The following ZNF138 variants were observed in gnomAD, a reference collection of about 807,000 sequenced individuals.
ZNF138 encodes the protein zinc finger protein 138.
In ZNF138, 33 loss-of-function variants were observed where a neutral mutation model predicts 33.0. The observed-to-expected ratio is 1.00, with a 90% CI of 0.76 to 1.34. The LOEUF (loss-of-function observed/expected upper bound fraction) is 1.34. Among genes scored for constraint, ZNF138 ranks in the 40% most tolerant of loss-of-function variants. ZNF138 has a pLI of 0.00. For missense variants in ZNF138, 360 were observed against 370.8 expected (o/e 0.97, Z 0.24); for synonymous variants, 139 against 120.4 (o/e 1.15, Z -1.01).
the ZNF138 span, among the ~76,000 whole-genome samples, chr7:64,841,721 C>T: frequency 6.6e-6 from 1 of 152,140 alleles, no homozygotes; most frequent in Admixed American, 6.5e-5. Context: ...CTACAGTTTT[C>T]TCATTGTCTT....
chr7:64,834,364 G>A (rs1583911743), downstream of ZNF138, among the ~76,000 whole-genome samples: 2 of 152,150 alleles, frequency 1.3e-5, no homozygotes, highest in East Asian at 3.9e-4. Flanking sequence ...CTAAGGCACT[G>A]ACACTTCAAA....
the ZNF138 span, among the ~76,000 whole-genome samples, chr7:64,849,269 C>G: frequency 1.1e-4 from 17 of 152,280 alleles, no homozygotes; most frequent in African/African-American, 3.8e-4. Context: ...TGGGGGTTGT[C>G]TGCACAGAGT....
chr7:64,843,412 A>G, the ZNF138 span, among the ~76,000 whole-genome samples: 1 of 152,206 alleles, frequency 6.6e-6, no homozygotes, highest in African/African-American at 2.4e-5. Flanking sequence ...CCTCATTCAC[A>G]TTCAAACCAT....
intron 1 of ZNF138, among the ~76,000 whole-genome samples, chr7:64,795,007 T>C (rs1230715961): frequency 6.6e-6 from 1 of 152,168 alleles, no homozygotes; most frequent in Admixed American, 6.5e-5. Flanking sequence ...GATTCAAGAA[T>C]TGTGGAGCAC....
At chr7:64,808,245 T>C (rs1787770484) in intron 1 of ZNF138, among the ~76,000 whole-genome samples, 2 of 152,196 alleles carry the variant, frequency 1.3e-5, no homozygotes, top group African/African-American at 2.4e-5. Context: ...ACAAGAGATG[T>C]CTTTGGTTGG....
chr7:64,854,776 C>A, the ZNF138 span, among the ~76,000 whole-genome samples: 2 of 152,116 alleles, frequency 1.3e-5, no homozygotes, highest in African/African-American at 2.4e-5. Flanking sequence ...TTTTTGAAAT[C>A]TAAAATCCTG....
chr7:64,804,879 C>T (rs1338905673), intron 1 of ZNF138, among the ~76,000 whole-genome samples: 5 of 152,292 alleles, frequency 3.3e-5, no homozygotes, highest in Non-Finnish European at 5.9e-5. Flanking sequence ...GAAGAGAAAC[C>T]TATTAAATTC....
At chr7:64,851,651 G>A in the ZNF138 span, among the ~76,000 whole-genome samples, 1 of 152,012 alleles carries the variant, frequency 6.6e-6, no homozygotes, top group Non-Finnish European at 1.5e-5. Flanking sequence ...CATTTGGAAG[G>A]CAATTCCTTG....
In ZNF138 at chr7:64,831,791, T is replaced by C. The variant is rs967519664; in HGVS notation, c.549T>C (p.Thr183=). ...CACTTTGCATGCTTTCACGCCTAACTCAACATAAAAAAATTCATACTAGAG... is the reference window on the plus strand; with the variant it reads ...CACTTTGCATGCTTTCACGCCTAACCCAACATAAAAAAATTCATACTAGAG... ...DKSLCMLSRL[T]QHKKIHTREN... The change falls in exon 4 of 4, where the codon ACT becomes ACC. Residue 183 remains threonine (T), a synonymous_variant. Transcript: ENST00000307355. The C allele has an allele frequency of 1.2e-6, 2 of 1,613,356 alleles. No homozygotes were observed. Among genetic ancestry groups the C allele is most frequent in the African/African-American group, 2.7e-5 (2 of 74,886 alleles).
chr7:64,827,477 C>T (rs1192701294), intron 3 of ZNF138, among the ~76,000 whole-genome samples: 1 of 152,034 alleles, frequency 6.6e-6, no homozygotes, highest in African/African-American at 2.4e-5. Flanking sequence ...ATCTCCTGAC[C>T]TCGTGATCCA....
chr7:64,805,241 A>G (rs1787481503), intron 1 of ZNF138, among the ~76,000 whole-genome samples: 1 of 152,130 alleles, frequency 6.6e-6, no homozygotes. Flanking sequence ...CACCAAAAAT[A>G]CAAAAAAATT....
At chr7:64,812,265 TCTC>T (rs1383704307) in intron 1 of ZNF138, among the ~76,000 whole-genome samples, 1 of 152,006 alleles carries the variant, frequency 6.6e-6, no homozygotes, top group Admixed American at 6.6e-5. Context: ...TTCAAGTGAT[TCTC>T]CTGCTTCAGC....
the ZNF138 span, among the ~76,000 whole-genome samples, chr7:64,854,639 G>T: frequency 6.6e-6 from 1 of 152,072 alleles, no homozygotes; most frequent in Non-Finnish European, 1.5e-5. Flanking sequence ...ATTTGAAATG[G>T]GATAAAACTA....
chr7:64,858,892 G>A, the ZNF138 span, among the ~76,000 whole-genome samples: 2 of 152,130 alleles, frequency 1.3e-5, no homozygotes, highest in East Asian at 3.9e-4. Flanking sequence ...TTCAACTGTT[G>A]ATGAACATTT....
chr7:64,829,826 G>A (rs1165467059), intron 3 of ZNF138, among the ~76,000 whole-genome samples: 1 of 147,698 alleles, frequency 6.8e-6, no homozygotes, highest in East Asian at 2.0e-4. Context: ...ATAATGGTAA[G>A]GAATTCCATT....
chr7:64,837,202 C>G (rs1282734294), downstream of ZNF138, among the ~76,000 whole-genome samples: 1 of 151,972 alleles, frequency 6.6e-6, no homozygotes, highest in African/African-American at 2.4e-5. Context: ...TGTAGGTGCC[C>G]TCTTAAGATG....
At chr7:64,830,033 G>C (rs1437318179) in intron 3 of ZNF138, among the ~76,000 whole-genome samples, 1 of 152,192 alleles carries the variant, frequency 6.6e-6, no homozygotes, top group African/African-American at 2.4e-5. Context: ...CAGTTTTGCT[G>C]CTGGTATTAT....
At chr7:64,813,749 A>G (rs985209293) in intron 1 of ZNF138, among the ~76,000 whole-genome samples, 13 of 151,692 alleles carry the variant, frequency 8.6e-5, no homozygotes, top group African/African-American at 2.9e-4. Context: ...ATTTTTTTTT[A>G]TGGTTACATT....
At chr7:64,845,089 A>G in the ZNF138 span, among the ~76,000 whole-genome samples, 3 of 152,070 alleles carry the variant, frequency 2.0e-5, no homozygotes, top group Non-Finnish European at 4.4e-5. Flanking sequence ...CTCCTTCCCA[A>G]CACTCCTCTC....
Sources: allele counts gnomAD v4.1 joint callset (sites outside exome capture counted in the v4.1 genomes callset), GRCh38; gene constraint gnomAD v4.1.1; transcripts MANE v1.5; gene names NCBI Gene and HGNC (gene_info 2026-07-23, HGNC 2026-07-21).